Variants in CYP2S1 observed in about 807,000 individuals in gnomAD.
CYP2S1 encodes cytochrome P450 2S1.
Under a neutral mutation model 43.5 loss-of-function variants are expected in CYP2S1, and 32 were observed. The ratio of observed to expected loss-of-function variants is 0.74; its 90% CI spans 0.56 to 0.99. The LOEUF (loss-of-function observed/expected upper bound fraction) is 0.99. Among genes scored for constraint, CYP2S1 ranks in the 50% least tolerant of loss-of-function variants. The probability of loss-of-function intolerance (pLI) is 0.00; values close to 1 mark genes in which losing one functional copy is unlikely to be tolerated. For synonymous variants in CYP2S1, 283 were observed against 302.9 expected, an observed-to-expected ratio of 0.93 and a Z score of 0.68; for missense variants, 575 against 673.9, an observed-to-expected ratio of 0.85 and a Z score of 1.62.
intron 7 of CYP2S1, among the ~76,000 whole-genome samples, chr19:41,204,487 A>G (rs1424278936): frequency 2.0e-5 from 3 of 152,104 alleles, no homozygotes; most frequent in African/African-American, 4.8e-5. Flanking sequence ...CAGAAACCCC[A>G]GCAGTTTATG....
At chr19:41,205,098 A>G (rs1052875690) in intron 7 of CYP2S1, among the ~76,000 whole-genome samples, 3 of 152,218 alleles carry the variant, frequency 2.0e-5, no homozygotes, top group African/African-American at 7.2e-5. Flanking sequence ...AATGACAGGT[A>G]TCCAGGCTTG....
chr19:41,204,124 G>A (rs889709018), intron 7 of CYP2S1, among the ~76,000 whole-genome samples: 2 of 152,094 alleles, frequency 1.3e-5, no homozygotes, highest in African/African-American at 2.4e-5. Flanking sequence ...GCCTCCCAAA[G>A]TGCTGGGATT....
rs561448837 is a variant in CYP2S1 at position 41,206,798 on chromosome 19, C to G, written c.*310C>G. The stretch of plus-strand genomic sequence containing the variant: ...AGGTAACCCACCAACTCCCCTGGAT[C>G]TGCAGCCCACACGTGGGAGTCTGGC... On this transcript the variant is annotated 3_prime_UTR_variant, in exon 9 of 9. Coordinates refer to ENST00000310054, the MANE Select transcript of CYP2S1 (RefSeq NM_030622.8). 2.7e-5 allele frequency: 15 copies of G among 564,650 alleles called. 1 individual carries two copies. In the Admixed American group the frequency reaches 2.8e-4, roughly 11 times the overall value. 35.0% of individuals were successfully genotyped at this position (564,650 alleles called of 1,614,324 possible).
chr19:41,202,604 G>T (rs1361562020), intron 6 of CYP2S1, among the ~76,000 whole-genome samples: 1 of 151,210 alleles, frequency 6.6e-6, no homozygotes, highest in Non-Finnish European at 1.5e-5. Flanking sequence ...AGCCTGGGCA[G>T]CATAATGAGG....
chr19:41,199,802 TA>T (rs993926096), intron 5 of CYP2S1, among the ~76,000 whole-genome samples: 92 of 144,356 alleles, frequency 6.4e-4, no homozygotes, highest in Middle Eastern at 3.6e-3. Flanking sequence ...CCATCTCTAC[TA>T]AAAAAAAAAA....
chr19:41,196,076 G>A (rs2033409749), intron 2 of CYP2S1, among the ~76,000 whole-genome samples: 3 of 152,040 alleles, frequency 2.0e-5, no homozygotes, highest in South Asian at 2.1e-4. Context: ...CAGGGCACAG[G>A]CATATGTACG....
intron 2 of CYP2S1, 119 bp downstream of exon 2, chr19:41,194,828 C>T: frequency 2.2e-6 from 3 of 1,391,956 alleles, no homozygotes; most frequent in Non-Finnish European, 2.8e-6. Context: ...GATAACAGTG[C>T]CCATCAGCCG....
Position 41,206,685 on chromosome 19 carries a change from T to C in CYP2S1, c.*197T>C. 1.3e-6 allele frequency: 1 copy of C among 790,968 alleles called. No homozygotes were observed. 49.0% of individuals were successfully genotyped at this position (790,968 alleles called of 1,614,324 possible). On this transcript the variant is annotated 3_prime_UTR_variant, in exon 9 of 9. Coordinates refer to ENST00000310054, the MANE Select transcript of CYP2S1 (RefSeq NM_030622.8). ...GCTAAGATGCACAACCGCACACCCA[T>C]ACACAACTACAAGGGCCACAAAGCA...
Position 41,198,883 on chromosome 19 carries a change from G to A in CYP2S1, c.829G>A (p.Ala277Thr), listed in dbSNP as rs781174305. Residue 277 changes from alanine (A) to threonine (T), a missense_variant, in exon 5 of 9, where the codon GCA becomes ACA. By Grantham distance (58) the Ala-to-Thr change is moderately conservative. Coordinates refer to ENST00000310054, the MANE Select transcript of CYP2S1 (RefSeq NM_030622.8). The surrounding 1 kb of genome is among the most constrained non-coding windows in gnomAD (Gnocchi z 4.9). ...DLVDAFLLKM[A>T]QEEQNPGTEF... ...TGTCGATGCCTTCCTGCTGAAGATG[G>A]CACAGGTGTGGGAAGGGTGCAGGGA... The A allele has an allele frequency of 9.9e-6, 16 of 1,611,348 alleles. No homozygotes were observed. Among genetic ancestry groups the A allele is most frequent in the Non-Finnish European group, 1.4e-5 (16 of 1,178,024 alleles).
Position 41,193,260 on chromosome 19 carries a change from C to T in CYP2S1, c.-5C>T, listed in dbSNP as rs1375920999. ...TGGGAGAGGAGAAGGAGCCGACCTG[C>T]CGAGATGGAGGCGACCGGCACCTGG... On this transcript the variant is annotated 5_prime_UTR_variant, in exon 1 of 9. Transcript: ENST00000310054. The T allele has an allele frequency of 6.5e-6, 10 of 1,539,314 alleles. No individual in the cohort carries two copies. The highest frequency in any genetic ancestry group is 6.0e-5 in the Admixed American group (3 of 50,198).
intron 7 of CYP2S1, among the ~76,000 whole-genome samples, chr19:41,204,592 CTTTTTTT>C (rs553640679): frequency 1.8e-5 from 2 of 109,044 alleles, no homozygotes; most frequent in Admixed American, 9.7e-5. Flanking sequence ...TCTTCTTCTT[CTTTTTTT>C]TTTTTTTTTT....
Position 41,197,963 on chromosome 19 carries a change from C to A in CYP2S1, c.493+35C>A, listed in dbSNP as rs113009382. 12,604 of 1,578,456 alleles carry A rather than the reference C, an allele frequency of 8.0e-3. 718 individuals are homozygous for A. In the African/African-American group the frequency reaches 0.13, roughly 16 times the overall value. ...GCGGGGTCACCCCAGGGTCTCCAGC[C>A]GAGTGAAAGGGAAAACTCTCCTACT... On this transcript the variant is annotated intron_variant, in intron 3 of 8. Transcript: ENST00000310054.
At chr19:41,204,856 A>AGC (rs1420887761) in intron 7 of CYP2S1, among the ~76,000 whole-genome samples, 2 of 151,866 alleles carry the variant, frequency 1.3e-5, no homozygotes, top group Non-Finnish European at 2.9e-5. Context: ...TCGGCCTCCT[A>AGC]AAGTGCTGGG....
In CYP2S1 at chr19:41,193,336, C is replaced by T. The variant is rs1422913093; in HGVS notation, c.72C>T (p.Ser24=). The change falls in exon 1 of 9, where the codon TCC becomes TCT. Residue 24 remains serine, a synonymous_variant. Transcript: ENST00000310054. ...TCCTGCTGCTGACGCTGGCGCTGTC[C>T]GGGACCAGGGCCCGAGGCCACCTGC... is the stretch of plus-strand genomic sequence containing the variant. ...ALLLLLTLAL[S]GTRARGHLPP... is the part of the protein sequence containing the mutation. 6.5e-7 allele frequency: 1 copy of T among 1,540,182 alleles called. No homozygotes were observed. Among genetic ancestry groups the T allele is most frequent in the South Asian group, 1.2e-5 (1 of 83,616 alleles).
At position 41,197,939 on chromosome 19, in the gene CYP2S1, C is replaced by T. The variant is rs559786282; in HGVS notation, c.493+11C>T. On this transcript the variant is annotated intron_variant, in intron 3 of 8. Coordinates refer to ENST00000310054, the MANE Select transcript of CYP2S1 (RefSeq NM_030622.8). Reference sequence around the variant, plus strand: ...TCCAGGGGACAGAAGGTCAGCATGGCGGGGTCACCCCAGGGTCTCCAGCCG... The same window carrying T: ...TCCAGGGGACAGAAGGTCAGCATGGTGGGGTCACCCCAGGGTCTCCAGCCG... 1.1e-5 allele frequency: 17 copies of T among 1,605,454 alleles called. No individual in the cohort carries two copies. Among genetic ancestry groups the T allele is most frequent in the African/African-American group, 2.7e-5 (2 of 74,836 alleles).
At chr19:41,206,259 C>G (rs1190046433) in intron 8 of CYP2S1, 21 bp from the exon 9 acceptor site, 4 of 1,606,066 alleles carry the variant, frequency 2.5e-6, no homozygotes, top group African/African-American at 1.3e-5. Context: ...TCAGCCCTCT[C>G]TCTCTCTCTC....
In CYP2S1 at chr19:41,207,196, C is replaced by T. The variant is rs981789195; in HGVS notation, c.*708C>T. 2 of 258,172 alleles carry T rather than the reference C, an allele frequency of 7.7e-6. No homozygotes were observed. Among genetic ancestry groups the T allele is most frequent in the African/African-American group, 4.4e-5 (2 of 45,476 alleles). 16.0% of individuals were successfully genotyped at this position (258,172 alleles called of 1,614,324 possible). On this transcript the variant is annotated 3_prime_UTR_variant, in exon 9 of 9. Transcript: ENST00000310054. ...GCCCTCAGTCACCCCTTTTTAAGCA[C>T]CCTGATTCTACCAAATGCAAACACA...
Position 41,201,360 on chromosome 19 carries a change from C to G in CYP2S1, c.964C>G (p.Pro322Ala), listed in dbSNP as rs958270412. 2.5e-6 allele frequency: 4 copies of G among 1,613,730 alleles called. No homozygotes were observed. The African/African-American group carries it at 5.3e-5, about 22-fold the overall frequency. ...TACCCTCCTGCTCCTGATGAAATAC[C>G]CTCATGTCCAAAGTAAGAGCCTTTT... is the stretch of plus-strand genomic sequence containing the variant. ...GYTLLLLMKY[P>A]HVQKWVREEL... Residue 322 changes from proline to alanine, a missense_variant, in exon 6 of 9, where the codon CCT becomes GCT. Coordinates refer to ENST00000310054, the MANE Select transcript of CYP2S1 (RefSeq NM_030622.8).
Position 41,193,221 on chromosome 19 carries a change from C to A in CYP2S1, c.-44C>A. On this transcript the variant is annotated 5_prime_UTR_variant, in exon 1 of 9. Transcript: ENST00000310054. ...CGGCTCCCGCCCCTAACTAGCCCAG[C>A]CGCGCGGAGCGCCTGGGAGAGGAGA... 1 of 1,480,836 alleles carries A rather than the reference C, an allele frequency of 6.8e-7. No individual in the cohort carries two copies. The highest frequency in any genetic ancestry group is 2.6e-5 in the East Asian group (1 of 38,044). The allele number at this position is 1,480,836 out of a possible 1,614,324, so 91.7% of individuals were successfully genotyped here.
Sources: allele counts gnomAD v4.1 joint callset (sites outside exome capture counted in the v4.1 genomes callset), GRCh38; gene constraint gnomAD v4.1.1; non-coding constraint Gnocchi (gnomAD v3.1); transcripts MANE v1.5; gene names NCBI Gene and HGNC (gene_info 2026-07-23, HGNC 2026-07-21).